Variants in MRPL4 observed in about 807,000 individuals in gnomAD.
MRPL4 encodes the protein mitochondrial ribosomal protein L4.
In MRPL4, 34 loss-of-function variants were observed where a neutral mutation model predicts 34.1. The ratio of observed to expected loss-of-function variants is 1.00; its 90% CI spans 0.76 to 1.33. MRPL4 has a LOEUF of 1.33. Among genes scored for constraint, MRPL4 ranks in the 40% most tolerant of loss-of-function variants. The pLI, the probability that MRPL4 is intolerant of heterozygous loss-of-function variation, is 0.00. For missense variants in MRPL4, 402 were observed against 434.6 expected (o/e 0.92, Z 0.67); for synonymous variants, 196 against 188.3 (o/e 1.04, Z -0.33).
rs776842685 is a variant in MRPL4, at chr19:10,256,727, C to T, written c.347C>T (p.Thr116Met). 2.9e-5 allele frequency: 47 copies of T among 1,608,536 alleles called. No individual in the cohort carries two copies. Among genetic ancestry groups the T allele is most frequent in the Non-Finnish European group, 3.7e-5 (44 of 1,177,462 alleles). The change falls in exon 5 of 9, where the codon ACG becomes ATG. Residue 116 changes from threonine to methionine, a missense_variant. By Grantham distance (81) the Thr-to-Met change is moderately conservative. Transcript: ENST00000253099. ...CTCCAGAGCTATGCCAAGACCAAGA[C>T]GAGAGCCGAGGTGCGGGGCGGTGGC... The part of the protein sequence containing the change: ...FKRISYAKTK[T>M]RAEVRGGGRK...
chr19:10,258,497 G>A lies in MRPL4; in HGVS notation c.637G>A (p.Gly213Arg), dbSNP rs2039873694. The A allele has an allele frequency of 6.2e-7, 1 of 1,614,136 alleles. No homozygotes were observed. The highest frequency in any genetic ancestry group is 1.3e-5 in the African/African-American group (1 of 75,034). ...LTELAHYRRW[G>R]DSVLLVDLTH... The stretch of plus-strand genomic sequence containing the variant: ...AGAGCTGGCGCACTACCGCCGCTGG[G>A]GGGACTCCGTACTCCTCGTGGACTT... The change falls in exon 7 of 9, where the codon GGG becomes AGG. Residue 213 changes from glycine (G) to arginine (R), a missense_variant. Gly to Arg is a moderately radical substitution (Grantham distance 125). Transcript: ENST00000253099.
At chr19:10,256,454 A>AG (rs1173911391) in intron 4 of MRPL4, among the ~76,000 whole-genome samples, 1 of 152,132 alleles carries the variant, frequency 6.6e-6, no homozygotes, top group East Asian at 1.9e-4. Context: ...CTCAAAAAAA[A>AG]AAATCAATAG....
In MRPL4 at chr19:10,258,214, C is replaced by T. The variant is rs777239361; in HGVS notation, c.446-8C>T. ...CCCCTACCTGCTCACATGCCTCTGT[C>T]CCCGCAGGAGGTGTTGCCCATGGCC... On this transcript the variant is annotated splice_polypyrimidine_tract_variant and splice_region_variant and intron_variant, in intron 5 of 8. Transcript: ENST00000253099. 1.9e-6 allele frequency: 3 copies of T among 1,603,312 alleles called. No homozygotes were observed.
At chr19:10,256,058 C>T (rs904119998) in intron 4 of MRPL4, among the ~76,000 whole-genome samples, 21 of 152,156 alleles carry the variant, frequency 1.4e-4, no homozygotes, top group Middle Eastern at 3.4e-3. Flanking sequence ...GAGGCCGAGG[C>T]GGATGGATCA....
Position 10,256,775 on chromosome 19 carries a change from G to T in MRPL4, c.395G>T (p.Gly132Val). ...GGGRKPWPQK[G>V]TGRARHGSIR... ...GGCCGGAAGCCTTGGCCGCAGAAAG[G>T]CACTGGGCGGGCCCGGCATGGCAGC... Residue 132 changes from glycine (G) to valine (V), a missense_variant, in exon 5 of 9, where the codon GGC becomes GTC. Coordinates refer to ENST00000253099, the MANE Select transcript of MRPL4 (RefSeq NM_015956.3). 1 of 1,591,886 alleles carries T rather than the reference G, an allele frequency of 6.3e-7. No homozygotes were observed. The highest frequency in any genetic ancestry group is 8.5e-7 in the Non-Finnish European group (1 of 1,170,016).
chr19:10,253,396 G>A (rs971740465), intron 3 of MRPL4, among the ~76,000 whole-genome samples: 50 of 147,800 alleles, frequency 3.4e-4, no homozygotes, highest in African/African-American at 1.3e-3. Flanking sequence ...AGAGAATGGC[G>A]TGAACCCGGG....
At position 10,259,840 on chromosome 19, in the gene MRPL4, C is replaced by G. The variant is rs374768644; in HGVS notation, c.*27C>G. On this transcript the variant is annotated 3_prime_UTR_variant, in exon 9 of 9. Coordinates refer to ENST00000253099, the MANE Select transcript of MRPL4 (RefSeq NM_015956.3). Reference sequence around the variant, plus strand: ...GTGAAGCACCTCTTCTGAGCCAGGCCGAGCCCCTGGCCGACTTGGGAGCCT... The same window carrying G: ...GTGAAGCACCTCTTCTGAGCCAGGCGGAGCCCCTGGCCGACTTGGGAGCCT... 1.3e-6 allele frequency: 2 copies of G among 1,575,282 alleles called. No homozygotes were observed. The highest frequency in any genetic ancestry group is 2.3e-5 in the East Asian group (1 of 43,358).
rs35481360 is a variant in MRPL4 at position 10,259,098 on chromosome 19, C to CAAAA, written c.739+437_739+440dup. The CAAAA allele has an allele frequency of 5.3e-3, 2,855 of 539,766 alleles. 99 individuals are homozygous for CAAAA. Among genetic ancestry groups the CAAAA allele is most frequent in the Non-Finnish European group, 5.6e-3 (2,660 of 477,444 alleles). The allele number at this position is 539,766 out of a possible 1,614,324, so 33.4% of individuals were successfully genotyped here. A position where few individuals can be genotyped will look rare whatever the true frequency, so the allele number is the denominator to read the frequency against. On this transcript the variant is annotated intron_variant, in intron 8 of 8. Coordinates refer to ENST00000253099, the MANE Select transcript of MRPL4 (RefSeq NM_015956.3). Reference sequence around the variant, plus strand: ...TGGGGAGAGAGCTAGACTCTTGTCTCAAAAAAAAAAAAAAAAAAAAAAAAA... The same window carrying CAAAA: ...TGGGGAGAGAGCTAGACTCTTGTCTCAAAAAAAAAAAAAAAAAAAAAAAAAAAAA...
At chr19:10,253,701 G>A (rs920490160) in intron 3 of MRPL4, among the ~76,000 whole-genome samples, 3 of 151,490 alleles carry the variant, frequency 2.0e-5, no homozygotes, top group African/African-American at 7.3e-5. Context: ...TGAGGCATGA[G>A]AATCGCTTGC....
At chr19:10,256,098 C>G (rs1288540204) in intron 4 of MRPL4, among the ~76,000 whole-genome samples, 1 of 152,080 alleles carries the variant, frequency 6.6e-6, no homozygotes, top group Non-Finnish European at 1.5e-5. Context: ...CCAGCCTGAC[C>G]AATATGGTGA....
chr19:10,256,559 C>T, intron 4 of MRPL4, 149 bp from the exon 5 acceptor site: 1 of 616,612 alleles, frequency 1.6e-6, no homozygotes, highest in Admixed American at 2.9e-5. Flanking sequence ...TCTTTACCCT[C>T]CCCCTCGCTC....
rs1485692370 is a variant in MRPL4, at chr19:10,259,907, C to T, written c.*94C>T. On this transcript the variant is annotated 3_prime_UTR_variant, in exon 9 of 9. Transcript: ENST00000253099. ...CTTCGAGGAAGGTGTCACCTGGACC[C>T]CTTCATTCCACGGAGGAAGCTGAGG... 2.6e-6 allele frequency: 3 copies of T among 1,162,066 alleles called. No homozygotes were observed. The highest frequency in any genetic ancestry group is 2.8e-5 in the Admixed American group (1 of 35,328). The allele number at this position is 1,162,066 out of a possible 1,614,324, so 72.0% of individuals were successfully genotyped here. A position where few individuals can be genotyped will look rare whatever the true frequency, so the allele number is the denominator to read the frequency against.
intron 3 of MRPL4, among the ~76,000 whole-genome samples, chr19:10,254,024 C>T (rs1266394747): frequency 6.6e-6 from 1 of 150,962 alleles, no homozygotes; most frequent in Non-Finnish European, 1.5e-5. Flanking sequence ...GAAGGGGTGG[C>T]TTTTTTTTTC....
rs371517605 is a variant in MRPL4 at position 10,259,662 on chromosome 19, C to T, written c.785C>T (p.Thr262Met). Reference sequence around the variant, plus strand: ...CTCAAGCACCAGACGCTGGTCCTGACGCTGCCCACCGTCGCCTTCCTGGAG... The same window carrying T: ...CTCAAGCACCAGACGCTGGTCCTGATGCTGCCCACCGTCGCCTTCCTGGAG... ...SMLKHQTLVLTLPTVAFLEDK... is the reference protein window; with the variant it reads ...SMLKHQTLVLMLPTVAFLEDK... Residue 262 changes from threonine to methionine, a missense_variant, in exon 9 of 9, where the codon ACG becomes ATG. By Grantham distance (81) the Thr-to-Met change is moderately conservative. Transcript: ENST00000253099. 84 of 1,606,006 alleles carry T rather than the reference C, an allele frequency of 5.2e-5. No individual in the cohort carries two copies. The highest frequency in any genetic ancestry group is 4.1e-4 in the Admixed American group (24 of 58,888).
At position 10,258,983 on chromosome 19, in the gene MRPL4, C is replaced by G. The variant is rs987076276; in HGVS notation, c.739+298C>G. On this transcript the variant is annotated intron_variant, in intron 8 of 8. Coordinates refer to ENST00000253099, the MANE Select transcript of MRPL4 (RefSeq NM_015956.3). ...GGCGTGGCGATGTGCACCTGTAGTC[C>G]CAGCTACTCGGGGGCTGAGCCAGGC... is the stretch of plus-strand genomic sequence containing the variant. The G allele has an allele frequency of 5.0e-6, 7 of 1,410,570 alleles. No individual in the cohort carries two copies. The African/African-American group carries it at 1.0e-4, about 20-fold the overall frequency. 87.4% of individuals were successfully genotyped at this position (1,410,570 alleles called of 1,614,324 possible).
chr19:10,252,994 C>A, intron 3 of MRPL4: 1 of 407,262 alleles, frequency 2.5e-6, no homozygotes, highest in Non-Finnish European at 4.4e-6. Flanking sequence ...ATTTTGTCAG[C>A]GGTCGGGAGG....
At chr19:10,259,071 C>T in intron 8 of MRPL4, 1 of 1,279,048 alleles carries the variant, frequency 7.8e-7, no homozygotes. Context: ...TGCACCCAAA[C>T]CTGGGGAGAG....
chr19:10,256,644 T>C, intron 4 of MRPL4, 64 bp from the exon 5 acceptor site: 3 of 1,405,898 alleles, frequency 2.1e-6, no homozygotes, highest in Non-Finnish European at 3.0e-6. Flanking sequence ...GTGGCAGGAC[T>C]GATCTGCCCG....
At position 10,256,815 on chromosome 19, in the gene MRPL4, C is replaced by T. The variant is rs758765453; in HGVS notation, c.435C>T (p.Leu145=). The change falls in exon 5 of 9, where the codon CTC becomes CTT. Residue 145 remains leucine, a synonymous_variant. Transcript: ENST00000253099. ...RARHGSIRSP[L]WRGGGVAHGP... ...GGCATGGCAGCATCCGCTCTCCGCT[C>T]TGGCGAGGAGGTAACAGGACAGGGT... The T allele has an allele frequency of 1.8e-6, 2 of 1,081,436 alleles. No individual in the cohort carries two copies. The highest frequency in any genetic ancestry group is 2.4e-6 in the Non-Finnish European group (2 of 838,022). The allele number at this position is 1,081,436 out of a possible 1,614,324, so 67.0% of individuals were successfully genotyped here.
Sources: gnomAD v4.1 joint callset for allele counts (sites outside exome capture counted in the v4.1 genomes callset) on GRCh38, gnomAD v4.1.1 for gene constraint, MANE v1.5 for transcripts, NCBI Gene and HGNC (gene_info 2026-07-23, HGNC 2026-07-21) for gene names.